The following CCDC7 variants were observed in gnomAD, a reference collection of about 807,000 sequenced individuals.
The protein encoded by CCDC7 is coiled-coil domain containing 7, also known as coiled-coil domain-containing protein 7.
A neutral mutation model predicts 196.9 loss-of-function variants in CCDC7; 183 were observed. The ratio of observed to expected loss-of-function variants is 0.93; its 90% CI spans 0.82 to 1.05. CCDC7 has a LOEUF of 1.05. CCDC7 is among the 50% of genes least tolerant of loss of function. The probability of loss-of-function intolerance (pLI) is 0.00; values close to 1 mark genes in which losing one functional copy is unlikely to be tolerated. For missense variants in CCDC7, 1,540 were observed against 1,482.2 expected, an observed-to-expected ratio of 1.04 and a Z score of -0.64; for synonymous variants, 525 against 484.6, an observed-to-expected ratio of 1.08 and a Z score of -1.10.
rs1433367588 is a variant in CCDC7, at chr10:32,648,483, C to G, written c.2014+13325C>G. On this transcript the variant is annotated intron_variant, in intron 20 of 41. Transcript: ENST00000639629. ...GCAACAAACATATGCATGCATGTAT[C>G]TTTATAATAGAATGATTTATATTCC... Among the ~76,000 whole-genome samples the G allele has an allele frequency of 7.2e-5, 11 of 151,992 alleles. No homozygotes were observed. The East Asian group carries it at 1.9e-3, about 27-fold the overall frequency.
intron 28 of CCDC7, among the ~76,000 whole-genome samples, chr10:32,731,717 G>T (rs1185277915): frequency 6.6e-6 from 1 of 152,074 alleles, no homozygotes; most frequent in African/African-American, 2.4e-5. Flanking sequence ...AGGTTTTATT[G>T]TGTGACATTT....
At chr10:32,868,150 G>A (rs2094276257) in intron 41 of CCDC7, among the ~76,000 whole-genome samples, 1 of 151,752 alleles carries the variant, frequency 6.6e-6, no homozygotes, top group Non-Finnish European at 1.5e-5. Flanking sequence ...ACCACATTTT[G>A]CTTAATTATT....
At chr10:32,538,689 A>G (rs2050903799) in intron 11 of CCDC7, among the ~76,000 whole-genome samples, 1 of 152,200 alleles carries the variant, frequency 6.6e-6, no homozygotes, top group South Asian at 2.1e-4. Context: ...GGTTTTTAAC[A>G]TGAAGAGAGT....
chr10:32,825,831 G>C (rs1485776570), intron 32 of CCDC7, among the ~76,000 whole-genome samples: 1 of 152,148 alleles, frequency 6.6e-6, no homozygotes, highest in East Asian at 1.9e-4. Context: ...AGCCTCGCCA[G>C]GTGTCTACTG....
intron 20 of CCDC7, 93 bp downstream of exon 21, chr10:32,635,251 T>G (rs2065443155): frequency 1.0e-5 from 4 of 389,054 alleles, no homozygotes; most frequent in Middle Eastern, 6.4e-4. Context: ...ACTTTTTTTG[T>G]AATTATTTTG....
At chr10:32,854,401 G>T in exon 41 of CCDC7, 1 of 1,574,924 alleles carries the variant, frequency 6.3e-7, no homozygotes, top group South Asian at 1.1e-5. Context: ...TTTTTTTAGG[G>T]CATTCGAAAG....
chr10:32,592,640 G>C (rs1056884741), intron 18 of CCDC7, among the ~76,000 whole-genome samples: 8 of 152,158 alleles, frequency 5.3e-5, no homozygotes, highest in African/African-American at 1.9e-4. Flanking sequence ...ATATTGGTGT[G>C]CTGCACCCGT....
At chr10:32,602,496 G>A (rs1204712335) in intron 18 of CCDC7, among the ~76,000 whole-genome samples, 2 of 152,110 alleles carry the variant, frequency 1.3e-5, no homozygotes, top group African/African-American at 2.4e-5. Flanking sequence ...GGAGCTTGGA[G>A]CTTTCTATTC....
intron 28 of CCDC7, among the ~76,000 whole-genome samples, chr10:32,745,751 C>CA (rs1800812886): frequency 6.6e-6 from 1 of 152,112 alleles, no homozygotes; most frequent in Non-Finnish European, 1.5e-5. Flanking sequence ...TGTCAATATT[C>CA]ACAAAATAAC....
chr10:32,867,737 T>A (rs998939868), intron 41 of CCDC7, among the ~76,000 whole-genome samples: 18 of 151,818 alleles, frequency 1.2e-4, no homozygotes, highest in Non-Finnish European at 2.7e-4. Context: ...TGTTTATTTT[T>A]AAAATTATTT....
intron 28 of CCDC7, among the ~76,000 whole-genome samples, chr10:32,743,296 G>A (rs1223892868): frequency 6.6e-6 from 1 of 152,056 alleles, no homozygotes; most frequent in Non-Finnish European, 1.5e-5. Context: ...TATAGATTCT[G>A]GATATTAGCC....
chr10:32,474,914 C>G (rs1008403435), intron 8 of CCDC7, among the ~76,000 whole-genome samples: 7 of 152,204 alleles, frequency 4.6e-5, no homozygotes, highest in South Asian at 2.1e-4. Flanking sequence ...ATTCTGCCCT[C>G]TTTCAACTTC....
chr10:32,532,832 C>T (rs1350483053), intron 11 of CCDC7, among the ~76,000 whole-genome samples: 1 of 152,032 alleles, frequency 6.6e-6, no homozygotes, highest in Admixed American at 6.6e-5. Context: ...TATTTTTCCA[C>T]TCCATTCACT....
At chr10:32,498,484 CT>C (rs1175036510) in intron 9 of CCDC7, among the ~76,000 whole-genome samples, 6 of 152,132 alleles carry the variant, frequency 3.9e-5, no homozygotes, top group Admixed American at 3.9e-4. Flanking sequence ...CATCGATGGT[CT>C]TTACAATTTG....
intron 24 of CCDC7, among the ~76,000 whole-genome samples, chr10:32,703,864 A>G (rs2079204512): frequency 6.6e-6 from 1 of 152,006 alleles, no homozygotes; most frequent in Admixed American, 6.5e-5. Context: ...TTTCAGCTCC[A>G]TCATGTCCTT....
intron 18 of CCDC7, among the ~76,000 whole-genome samples, chr10:32,617,190 A>G (rs1324623474): frequency 6.6e-6 from 1 of 151,488 alleles, no homozygotes; most frequent in Non-Finnish European, 1.5e-5. Flanking sequence ...TCTTTTCTTG[A>G]TTAGTCTACT....
At chr10:32,704,640 G>T (rs1259672583) in intron 24 of CCDC7, among the ~76,000 whole-genome samples, 1 of 152,122 alleles carries the variant, frequency 6.6e-6, no homozygotes, top group African/African-American at 2.4e-5. Context: ...GCCTCCTTGA[G>T]CTGTGGTGGG....
intron 3 of CCDC7, among the ~76,000 whole-genome samples, chr10:32,457,402 T>C (rs561185408): frequency 6.6e-6 from 1 of 152,328 alleles, no homozygotes; most frequent in Non-Finnish European, 1.5e-5. Context: ...TCCCCCTATA[T>C]GCCACATTTT....
In CCDC7 at chr10:32,681,994, C is replaced by G. The variant is rs572250349; in HGVS notation, c.2123-3976C>G. On this transcript the variant is annotated intron_variant, in intron 21 of 41. Coordinates refer to ENST00000639629, the Ensembl canonical transcript of CCDC7. ...TCCTGACTAATCCACAACACAATTA[C>G]CCAATTGTATCAGCATCATTATTAT... Among the ~76,000 whole-genome samples, 13 of 152,154 alleles carry G rather than the reference C, an allele frequency of 8.5e-5. No individual in the cohort carries two copies. The South Asian group carries it at 2.7e-3, about 32-fold the overall frequency.
Sources: gnomAD v4.1 joint callset for allele counts (sites outside exome capture counted in the v4.1 genomes callset) on GRCh38, gnomAD v4.1.1 for gene constraint, MANE v1.5 for transcripts, NCBI Gene and HGNC (gene_info 2026-07-23, HGNC 2026-07-21) for gene names.